RBBP8: variants seen among roughly 807,000 people sequenced by gnomAD.
The protein encoded by RBBP8 is RB binding protein 8, endonuclease.
A neutral mutation model predicts 108.3 loss-of-function variants in RBBP8; 88 were observed. The ratio of observed to expected loss-of-function variants is 0.81; its 90% CI spans 0.68 to 0.97. The LOEUF (loss-of-function observed/expected upper bound fraction) is 0.97, where lower values mean the gene tolerates loss of function less well. Among genes scored for constraint, RBBP8 ranks in the 50% least tolerant of loss-of-function variants. RBBP8 has a pLI of 0.00. For synonymous variants in RBBP8, 332 were observed against 348.2 expected (o/e 0.95, Z 0.52); for missense variants, 1,023 against 1,049.0 (o/e 0.98, Z 0.34).
At chr18:22,975,109 A>T (rs1914406533) in intron 5 of RBBP8, 44 bp from the exon 6 acceptor site, 2 of 1,553,052 alleles carry the variant, frequency 1.3e-6, no homozygotes, top group Non-Finnish European at 1.8e-6. Flanking sequence ...CATAGATGTT[A>T]ATATAAATAT....
chr18:23,019,767 T>C (rs998076882), intron 17 of RBBP8, among the ~76,000 whole-genome samples: 2 of 150,140 alleles, frequency 1.3e-5, no homozygotes, highest in African/African-American at 4.9e-5. Flanking sequence ...TATAATTTTT[T>C]TTTTTTTTTT....
Position 22,956,425 on chromosome 18 carries a change from C to T in RBBP8, c.248+6712C>T, listed in dbSNP as rs183927967. Reference sequence around the variant, plus strand: ...TCATAGCTCATTACAGCCTCAAATTCCTTGGCTCAAGAGATCTTCTCACAT... The same window carrying T: ...TCATAGCTCATTACAGCCTCAAATTTCTTGGCTCAAGAGATCTTCTCACAT... On this transcript the variant is annotated intron_variant, in intron 4 of 18. Coordinates refer to ENST00000327155, the MANE Select transcript of RBBP8 (RefSeq NM_002894.3). 1.2e-4 allele frequency among the ~76,000 whole-genome samples: 19 copies of T among 152,194 alleles called. No homozygotes were observed. The East Asian group carries it at 3.5e-3, about 28-fold the overall frequency.
At chr18:22,963,221 TG>T (rs1201222456) in intron 4 of RBBP8, among the ~76,000 whole-genome samples, 6 of 152,038 alleles carry the variant, frequency 3.9e-5, no homozygotes, top group African/African-American at 2.4e-5. Flanking sequence ...TTGACTTAGG[TG>T]TTTTTTTTTC....
intron 8 of RBBP8, among the ~76,000 whole-genome samples, chr18:22,986,344 G>T (rs546264343): frequency 6.6e-6 from 1 of 152,264 alleles, no homozygotes; most frequent in South Asian, 2.1e-4. Flanking sequence ...ATGAGATTTG[G>T]TTGCATGTAG....
At position 22,984,957 on chromosome 18, in the gene RBBP8, G is replaced by T; in HGVS notation, c.676G>T (p.Asp226Tyr). ...NPNENEILVA[D>Y]TYDQSQSPMA... Reference sequence around the variant, plus strand: ...TAATGAAAATGAAATTCTAGTAGCTGACACTTATGACCAAAGTCAATCTCC... The same window carrying T: ...TAATGAAAATGAAATTCTAGTAGCTTACACTTATGACCAAAGTCAATCTCC... The change falls in exon 8 of 19, where the codon GAC (aspartate) becomes TAC (tyrosine). Residue 226 changes from aspartate (D) to tyrosine (Y), a missense_variant. Physicochemically the swap from Asp to Tyr is radical, Grantham distance 160. Transcript: ENST00000327155. The T allele has an allele frequency of 6.2e-7, 1 of 1,611,596 alleles. No homozygotes were observed. Among genetic ancestry groups the T allele is most frequent in the South Asian group, 1.1e-5 (1 of 90,912 alleles).
At chr18:22,963,070 G>C (rs1913246764) in intron 4 of RBBP8, among the ~76,000 whole-genome samples, 1 of 152,052 alleles carries the variant, frequency 6.6e-6, no homozygotes, top group Non-Finnish European at 1.5e-5. Flanking sequence ...CAGAGTAGGA[G>C]ATCAACAAAC....
intron 16 of RBBP8, among the ~76,000 whole-genome samples, chr18:23,011,155 A>T (rs1480585186): frequency 2.0e-5 from 3 of 152,174 alleles, no homozygotes; most frequent in Non-Finnish European, 4.4e-5. Context: ...TTTTTGAGGG[A>T]AAGTGCTTGC....
upstream of RBBP8, among the ~76,000 whole-genome samples, chr18:22,928,822 A>G (rs913445689): frequency 5.3e-5 from 8 of 151,952 alleles, no homozygotes; most frequent in African/African-American, 1.9e-4. Flanking sequence ...GGTGCCTGCC[A>G]CCATGCCCAT....
chr18:22,928,780 C>T (rs1909888498), upstream of RBBP8, among the ~76,000 whole-genome samples: 1 of 151,916 alleles, frequency 6.6e-6, no homozygotes, highest in Admixed American at 6.6e-5. Context: ...AGTGATTCAC[C>T]TCCCTCAGCC....
At chr18:22,942,556 G>A (rs551881214) in intron 2 of RBBP8, among the ~76,000 whole-genome samples, 4 of 152,036 alleles carry the variant, frequency 2.6e-5, no homozygotes, top group African/African-American at 7.3e-5. Context: ...TATCCTTTAA[G>A]ATAATTTTAT....
chr18:23,022,656 A>ATAAAATAAAATAAAAAT (rs199563038), intron 18 of RBBP8, among the ~76,000 whole-genome samples: 9 of 72,392 alleles, frequency 1.2e-4, no homozygotes, highest in African/African-American at 3.0e-4. Flanking sequence ...TACAATATAA[A>ATAAAATAAAATAAAAAT]ATAAAATAAA....
intron 18 of RBBP8, among the ~76,000 whole-genome samples, chr18:23,024,030 T>C (rs1041496259): frequency 1.7e-4 from 25 of 143,452 alleles, no homozygotes; most frequent in Admixed American, 1.5e-3. Context: ...CATGCCACCA[T>C]ACCCAGCCTA....
intron 15 of RBBP8, among the ~76,000 whole-genome samples, chr18:23,004,079 A>G (rs1185084231): frequency 2.1e-5 from 3 of 144,992 alleles, no homozygotes; most frequent in Admixed American, 1.3e-4. Flanking sequence ...AAAAAAAAAA[A>G]AAAACTAAAA....
At chr18:22,982,848 T>C (rs906179691) in intron 7 of RBBP8, among the ~76,000 whole-genome samples, 1 of 152,336 alleles carries the variant, frequency 6.6e-6, no homozygotes, top group South Asian at 2.1e-4. Context: ...AGGAAAGATA[T>C]GTTTAGAAAG....
intron 10 of RBBP8, among the ~76,000 whole-genome samples, 192 bp from the exon 11 acceptor site, chr18:22,992,556 G>A (rs574792344): frequency 6.6e-6 from 1 of 152,130 alleles, no homozygotes; most frequent in Non-Finnish European, 1.5e-5. Flanking sequence ...TTTAAAATAT[G>A]AATATTATGG....
chr18:22,964,241 C>T (rs577548995), intron 4 of RBBP8, among the ~76,000 whole-genome samples: 25 of 151,976 alleles, frequency 1.6e-4, no homozygotes, highest in Non-Finnish European at 3.1e-4. Flanking sequence ...TTTATCTTTT[C>T]TGTGTACTCT....
intron 4 of RBBP8, 151 bp from the exon 5 acceptor site, chr18:22,968,655 A>G: frequency 1.6e-6 from 1 of 628,332 alleles, no homozygotes. Flanking sequence ...CAGCCTATAT[A>G]AGAATATGTT....
chr18:22,983,667 A>G (rs369065056), intron 7 of RBBP8, among the ~76,000 whole-genome samples: 2 of 46,410 alleles, frequency 4.3e-5, no homozygotes, highest in African/African-American at 6.8e-5. Context: ...GTATGAAAGC[A>G]GCATGTAACT....
intron 16 of RBBP8, among the ~76,000 whole-genome samples, chr18:23,007,669 G>T (rs564358594): frequency 7.2e-6 from 1 of 139,502 alleles, no homozygotes; most frequent in Non-Finnish European, 1.5e-5. Context: ...CTGCACTCCA[G>T]CCTGGGCAAC....
Sources: gnomAD v4.1 joint callset for allele counts (sites outside exome capture counted in the v4.1 genomes callset) on GRCh38, gnomAD v4.1.1 for gene constraint, MANE v1.5 for transcripts, NCBI Gene and HGNC (gene_info 2026-07-23, HGNC 2026-07-21) for gene names.